Variants in FKBP3 observed in about 807,000 individuals in gnomAD.
The protein encoded by FKBP3 is FKBP prolyl isomerase 3.
Under a neutral mutation model 30.6 loss-of-function variants are expected in FKBP3, and 21 were observed. The observed-to-expected ratio is 0.69, with a 90% CI of 0.49 to 0.99. The LOEUF (loss-of-function observed/expected upper bound fraction) is 0.99. Ranked by LOEUF, FKBP3 falls within the 50% of genes least tolerant of loss-of-function variation. The pLI is 0.00. For synonymous variants in FKBP3, 82 were observed against 91.3 expected, an observed-to-expected ratio of 0.90 and a Z score of 0.58; for missense variants, 283 against 261.6, an observed-to-expected ratio of 1.08 and a Z score of -0.56.
At chr14:45,134,281 T>C (rs1385581938) in intron 1 of FKBP3, 68 bp downstream of exon 1, 7 of 1,240,540 alleles carry the variant, frequency 5.6e-6, no homozygotes, top group Non-Finnish European at 8.2e-6. Flanking sequence ...ACGGAATGTA[T>C]GGGCATCTCC....
chr14:45,131,950 A>C (rs572505771), intron 1 of FKBP3, among the ~76,000 whole-genome samples: 2 of 152,232 alleles, frequency 1.3e-5, no homozygotes, highest in South Asian at 4.1e-4. Flanking sequence ...TGAAATAGCA[A>C]GTCGTAGTAT....
rs142475461 is a variant in FKBP3, at chr14:45,118,229, A to G, written c.523-104T>C. The G allele has an allele frequency of 1.2e-3, 741 of 643,712 alleles. 10 individuals carry two copies. In the East Asian group the frequency reaches 0.019, roughly 17 times the overall value. The allele number at this position is 643,712 out of a possible 1,614,324, so 39.9% of individuals were successfully genotyped here. ...GTATGTTAAAACAAACACAGAATCT[A>G]TTACTATAGATTTCACTATATTCTA... On this transcript the variant is annotated intron_variant, in intron 5 of 6. Transcript: ENST00000396062.
Position 45,118,011 on chromosome 14 carries a change from A to G in FKBP3, c.620+17T>C, listed in dbSNP as rs1297250871. ...TTTTTTTTTTCAACTTTAATTATGA[A>G]GGGGAAAAAAGGATACTTGGCATCA... On this transcript the variant is annotated intron_variant, in intron 6 of 6. Coordinates refer to ENST00000396062, the MANE Select transcript of FKBP3 (RefSeq NM_002013.4). 1 of 1,529,308 alleles carries G rather than the reference A, an allele frequency of 6.5e-7. No individual in the cohort carries two copies. The allele number at this position is 1,529,308 out of a possible 1,614,324, so 94.7% of individuals were successfully genotyped here. A position where few individuals can be genotyped will look rare whatever the true frequency, so the allele number is the denominator to read the frequency against.
chr14:45,120,163 A>G (rs1215635179), intron 5 of FKBP3, among the ~76,000 whole-genome samples: 1 of 152,190 alleles, frequency 6.6e-6, no homozygotes, highest in Non-Finnish European at 1.5e-5. Flanking sequence ...TTGATGTCTG[A>G]TGTTCTGAGA....
At chr14:45,118,227 C>G (rs1884899356) in intron 5 of FKBP3, 102 bp from the exon 6 acceptor site, 2 of 662,504 alleles carry the variant, frequency 3.0e-6, no homozygotes, top group Middle Eastern at 2.6e-4. Context: ...AACACAGAAT[C>G]TATTACTATA....
In FKBP3 at chr14:45,134,432, CCCGCTGTGGAACGG is replaced by C; in HGVS notation, c.11_24del (p.Ala4GlyfsTer10). 1 of 1,612,046 alleles carries C rather than the reference CCCGCTGTGGAACGG, an allele frequency of 6.2e-7. No homozygotes were observed. The highest frequency in any genetic ancestry group is 1.1e-5 in the South Asian group (1 of 91,010). On this transcript the variant is annotated frameshift_variant, in exon 1 of 7. Transcript: ENST00000396062. LOFTEE classifies it high-confidence loss of function. ...CTGCGCAGCTGCTCCACGGTCCACG[CCCGCTGTGGAACGG>C]CCGCCGCCATCTTCCCCCGCTGCCT...
intron 5 of FKBP3, among the ~76,000 whole-genome samples, chr14:45,119,432 G>A (rs1884931861): frequency 6.6e-6 from 1 of 151,930 alleles, no homozygotes; most frequent in African/African-American, 2.4e-5. Context: ...AATTAGGTGT[G>A]GTGGCGCATG....
intron 1 of FKBP3, 134 bp downstream of exon 1, chr14:45,134,215 C>T (rs547561453): frequency 2.7e-6 from 2 of 742,294 alleles, no homozygotes; most frequent in Non-Finnish European, 4.5e-6. Context: ...AGCTGGGCCT[C>T]TCCGGCCTTC....
intron 3 of FKBP3, among the ~76,000 whole-genome samples, chr14:45,125,625 A>G (rs1199474656): frequency 1.3e-5 from 2 of 152,330 alleles, no homozygotes; most frequent in East Asian, 1.9e-4. Context: ...TTAAAATCCC[A>G]TAAGAGCTAT....
intron 1 of FKBP3, 177 bp from the exon 2 acceptor site, chr14:45,130,977 A>T: frequency 2.1e-6 from 1 of 481,266 alleles, no homozygotes; most frequent in South Asian, 3.3e-5. Context: ...TTTTTTAAAA[A>T]TTCGGTATTT....
At chr14:45,132,406 ATTAATTT>A (rs1489293477) in intron 1 of FKBP3, among the ~76,000 whole-genome samples, 2 of 152,000 alleles carry the variant, frequency 1.3e-5, no homozygotes, top group Admixed American at 1.3e-4. Flanking sequence ...GATTATTATT[ATTAATTT>A]TTGAGACAGA....
chr14:45,118,538 G>C (rs1009167051), intron 5 of FKBP3, among the ~76,000 whole-genome samples: 1 of 152,100 alleles, frequency 6.6e-6, no homozygotes, highest in Admixed American at 6.6e-5. Context: ...GGCTGAGGCA[G>C]GGGAATCACT....
chr14:45,127,115 CTT>C (rs1231283034), intron 3 of FKBP3, among the ~76,000 whole-genome samples: 16 of 120,578 alleles, frequency 1.3e-4, no homozygotes, highest in Non-Finnish European at 1.0e-4. Flanking sequence ...CTGACCCTGT[CTT>C]TTTTTTTTTT....
At chr14:45,130,327 T>C (rs1184546202) in intron 2 of FKBP3, among the ~76,000 whole-genome samples, 2 of 152,208 alleles carry the variant, frequency 1.3e-5, no homozygotes, top group Non-Finnish European at 2.9e-5. Context: ...ATTAGTGAAA[T>C]GGAAACTTAT....
intron 3 of FKBP3, among the ~76,000 whole-genome samples, chr14:45,128,712 A>G (rs1390578357): frequency 6.6e-6 from 1 of 152,204 alleles, no homozygotes; most frequent in Admixed American, 6.5e-5. Flanking sequence ...GTTTTAAATA[A>G]AATGATAGAG....
chr14:45,125,771 G>C (rs1885082386), intron 3 of FKBP3, among the ~76,000 whole-genome samples: 1 of 152,020 alleles, frequency 6.6e-6, no homozygotes, highest in Non-Finnish European at 1.5e-5. Context: ...CCAGGAGCTG[G>C]GTCTTAAAGG....
At chr14:45,124,546 T>C (rs947663671) in intron 3 of FKBP3, among the ~76,000 whole-genome samples, 2 of 150,922 alleles carry the variant, frequency 1.3e-5, no homozygotes, top group Non-Finnish European at 3.0e-5. Flanking sequence ...AAAAAAATTA[T>C]ATATATATAT....
At chr14:45,125,195 C>T (rs908085239) in intron 3 of FKBP3, among the ~76,000 whole-genome samples, 1 of 152,170 alleles carries the variant, frequency 6.6e-6, no homozygotes, top group Non-Finnish European at 1.5e-5. Flanking sequence ...GGATTACAGG[C>T]GTGAGCCACA....
rs758841087 is a variant in FKBP3, at chr14:45,116,264, G to A, written c.621-12C>T. On this transcript the variant is annotated splice_polypyrimidine_tract_variant and intron_variant, in intron 6 of 6. Coordinates refer to ENST00000396062, the MANE Select transcript of FKBP3 (RefSeq NM_002013.4). ...CATTTGGTGGAATTCTGTTGAAGAA[G>A]TCAAGGTACATTTGATAAAAAGTGC... 1 of 1,609,678 alleles carries A rather than the reference G, an allele frequency of 6.2e-7. No homozygotes were observed. The highest frequency in any genetic ancestry group is 8.5e-7 in the Non-Finnish European group (1 of 1,176,230).
Sources: gnomAD v4.1 joint callset for allele counts (sites outside exome capture counted in the v4.1 genomes callset) on GRCh38, gnomAD v4.1.1 for gene constraint, MANE v1.5 for transcripts, NCBI Gene and HGNC (gene_info 2026-07-23, HGNC 2026-07-21) for gene names.